Variants in PRR16 observed in about 807,000 individuals in gnomAD.
PRR16 encodes protein Largen.
A neutral mutation model predicts 18.2 loss-of-function variants in PRR16; 6 were observed. The ratio of observed to expected loss-of-function variants is 0.33; its 90% CI spans 0.18 to 0.65. The LOEUF is 0.65. Among genes scored for constraint, PRR16 ranks in the 30% least tolerant of loss-of-function variants. PRR16 has a pLI of 0.74. For synonymous variants in PRR16, 151 were observed against 147.8 expected (o/e 1.02, Z -0.16); for missense variants, 412 against 376.6 (o/e 1.09, Z -0.78).
chr5:120,721,898 T>TA, the PRR16 span, among the ~76,000 whole-genome samples: 5 of 152,076 alleles, frequency 3.3e-5, no homozygotes, highest in Non-Finnish European at 7.4e-5. Flanking sequence ...ATTATTATTA[T>TA]ACTTGGATAC....
chr5:120,782,438 G>A, the PRR16 span, among the ~76,000 whole-genome samples: 1 of 152,144 alleles, frequency 6.6e-6, no homozygotes, highest in Admixed American at 6.5e-5. Flanking sequence ...TTTTAAAAGT[G>A]AAGCCTGATG....
At chr5:120,506,299 A>G (rs1750644743) in intron 1 of PRR16, among the ~76,000 whole-genome samples, 2 of 152,056 alleles carry the variant, frequency 1.3e-5, no homozygotes, top group South Asian at 2.1e-4. Flanking sequence ...GATAAATACA[A>G]TTTTATTTTA....
intron 1 of PRR16, among the ~76,000 whole-genome samples, chr5:120,495,888 G>A (rs901543871): frequency 2.6e-5 from 4 of 151,746 alleles, no homozygotes; most frequent in African/African-American, 9.7e-5. Context: ...CAATTTTGGG[G>A]GGAATGTGTT....
intron 1 of PRR16, among the ~76,000 whole-genome samples, chr5:120,549,676 C>T (rs1752191532): frequency 6.6e-6 from 1 of 151,908 alleles, no homozygotes; most frequent in Admixed American, 6.6e-5. Flanking sequence ...GGGTGGGACA[C>T]TAACAATTAC....
At chr5:120,737,244 G>T in the PRR16 span, among the ~76,000 whole-genome samples, 1 of 148,456 alleles carries the variant, frequency 6.7e-6, no homozygotes, top group Non-Finnish European at 1.5e-5. Flanking sequence ...GGTGTTAGCT[G>T]TGGCTTTTAC....
intron 1 of PRR16, among the ~76,000 whole-genome samples, chr5:120,586,896 C>G (rs562360240): frequency 9.8e-5 from 15 of 152,314 alleles, no homozygotes; most frequent in African/African-American, 3.4e-4. Flanking sequence ...AAAGCCAAGA[C>G]AGGCCAAAAG....
chr5:120,604,966 T>G (rs1754107307), intron 1 of PRR16, among the ~76,000 whole-genome samples: 1 of 152,174 alleles, frequency 6.6e-6, no homozygotes, highest in Admixed American at 6.5e-5. Flanking sequence ...CCTTTAAGAT[T>G]TTTGTTGTTG....
chr5:120,487,145 C>G (rs961530602), intron 1 of PRR16, among the ~76,000 whole-genome samples: 25 of 152,146 alleles, frequency 1.6e-4, no homozygotes, highest in Admixed American at 7.2e-4. Context: ...TTTCTCGTTC[C>G]ATATGAACTT....
chr5:120,519,734 T>G (rs1455991376), intron 1 of PRR16, among the ~76,000 whole-genome samples: 2 of 152,086 alleles, frequency 1.3e-5, no homozygotes, highest in Non-Finnish European at 2.9e-5. Flanking sequence ...CAGCTTTTAT[T>G]TTTTAAAAAA....
At chr5:120,740,087 G>A in the PRR16 span, among the ~76,000 whole-genome samples, 1 of 152,128 alleles carries the variant, frequency 6.6e-6, no homozygotes, top group African/African-American at 2.4e-5. Flanking sequence ...ACACTAATGG[G>A]ACAATGATTA....
chr5:120,660,668 C>T (rs1756144720), intron 1 of PRR16, among the ~76,000 whole-genome samples: 1 of 152,068 alleles, frequency 6.6e-6, no homozygotes, highest in East Asian at 1.9e-4. Context: ...TCAAGCCAAT[C>T]TCCTCCATCT....
the PRR16 span, among the ~76,000 whole-genome samples, chr5:120,715,959 C>T: frequency 2.0e-5 from 3 of 152,140 alleles, no homozygotes; most frequent in South Asian, 2.1e-4. Context: ...GAATTCTGAA[C>T]ATCAAACTAG....
intron 1 of PRR16, among the ~76,000 whole-genome samples, chr5:120,503,865 C>G (rs929649203): frequency 2.0e-5 from 3 of 151,652 alleles, no homozygotes; most frequent in Non-Finnish European, 4.4e-5. Context: ...GTTCAATTCC[C>G]ACCTATGAGT....
At chr5:120,472,978 T>A (rs749861451) in intron 1 of PRR16, among the ~76,000 whole-genome samples, 1 of 152,182 alleles carries the variant, frequency 6.6e-6, no homozygotes, top group Non-Finnish European at 1.5e-5. Flanking sequence ...CAGATCAGCA[T>A]TTTTATTTGT....
intron 1 of PRR16, among the ~76,000 whole-genome samples, chr5:120,663,791 C>T (rs909105858): frequency 3.3e-5 from 5 of 152,112 alleles, no homozygotes; most frequent in Non-Finnish European, 7.4e-5. Context: ...ACCTCTCAAC[C>T]TCTTGGCACA....
intron 1 of PRR16, among the ~76,000 whole-genome samples, chr5:120,515,963 A>T (rs1216613008): frequency 6.6e-6 from 1 of 152,200 alleles, no homozygotes; most frequent in African/African-American, 2.4e-5. Flanking sequence ...ATCAAATTTA[A>T]ATCTGTAGTG....
intron 1 of PRR16, among the ~76,000 whole-genome samples, chr5:120,569,321 C>A (rs1257885879): frequency 1.3e-5 from 2 of 152,070 alleles, no homozygotes; most frequent in Admixed American, 1.3e-4. Flanking sequence ...CAGTTTGATG[C>A]TCTGGAGAGA....
intron 1 of PRR16, among the ~76,000 whole-genome samples, chr5:120,677,990 A>T (rs1446034118): frequency 1.4e-5 from 2 of 139,482 alleles, no homozygotes; most frequent in African/African-American, 5.4e-5. Context: ...GCTCACTGCA[A>T]GCTCCGCCTC....
At chr5:120,612,005 C>A (rs927847737) in intron 1 of PRR16, among the ~76,000 whole-genome samples, 1 of 152,188 alleles carries the variant, frequency 6.6e-6, no homozygotes, top group African/African-American at 2.4e-5. Context: ...CCACCTCTTG[C>A]ATCAGCGTGA....
Sources: allele counts gnomAD v4.1 joint callset (sites outside exome capture counted in the v4.1 genomes callset), GRCh38; gene constraint gnomAD v4.1.1; transcripts MANE v1.5; gene names NCBI Gene and HGNC (gene_info 2026-07-23, HGNC 2026-07-21).